FER1L6: variants seen among roughly 807,000 people sequenced by gnomAD.
FER1L6 encodes the protein fer-1 like family member 6.
In FER1L6, 177 loss-of-function variants were observed where a neutral mutation model predicts 219.2. That is an observed-to-expected ratio of 0.81 (90% CI 0.71 to 0.91). FER1L6 has a LOEUF of 0.91. FER1L6 is among the 40% of genes least tolerant of loss of function. The pLI is 0.00. For synonymous variants in FER1L6, 768 were observed against 824.3 expected (o/e 0.93, Z 1.17); for missense variants, 2,153 against 2,259.9 (o/e 0.95, Z 0.96).
At chr8:124,049,539 C>T in intron 21 of FER1L6, 68 bp from the exon 22 acceptor site, 1 of 1,527,282 alleles carries the variant, frequency 6.5e-7, no homozygotes, top group African/African-American at 1.4e-5. Flanking sequence ...GAGGTGATGG[C>T]ATTGATGTGG....
At chr8:123,992,295 T>C (rs1413824564) in intron 12 of FER1L6, among the ~76,000 whole-genome samples, 2 of 152,144 alleles carry the variant, frequency 1.3e-5, no homozygotes, top group African/African-American at 2.4e-5. Flanking sequence ...TTTATGAATG[T>C]CTGGTAGAAT....
At chr8:124,035,213 C>T (rs761695838) in intron 18 of FER1L6, 64 bp from the exon 19 acceptor site, 200 of 1,527,594 alleles carry the variant, frequency 1.3e-4, no homozygotes, top group Non-Finnish European at 1.7e-4. Context: ...CCTCTTTTCT[C>T]AAAAGGGGAG....
At chr8:123,981,415 T>A (rs980579497) in intron 11 of FER1L6, among the ~76,000 whole-genome samples, 2 of 152,218 alleles carry the variant, frequency 1.3e-5, no homozygotes, top group African/African-American at 4.8e-5. Context: ...CTGTTTAGTT[T>A]ATCAATGGTA....
chr8:123,859,837 A>G (rs939587262), intron 1 of FER1L6, among the ~76,000 whole-genome samples: 4 of 145,978 alleles, frequency 2.7e-5, no homozygotes, highest in African/African-American at 1.0e-4. Context: ...TTTACTGAGA[A>G]TGATGATTTC....
chr8:123,893,868 A>G (rs1325109303), intron 1 of FER1L6, among the ~76,000 whole-genome samples: 2 of 152,188 alleles, frequency 1.3e-5, no homozygotes, highest in Admixed American at 1.3e-4. Flanking sequence ...GGGACTAGAC[A>G]GAGAAAGATT....
chr8:124,057,484 A>G (rs1340042347), intron 22 of FER1L6, among the ~76,000 whole-genome samples: 1 of 152,168 alleles, frequency 6.6e-6, no homozygotes, highest in Non-Finnish European at 1.5e-5. Context: ...AGAGCTTTTA[A>G]AACCCTGGCT....
At position 123,954,076 on chromosome 8, in the gene FER1L6, A is replaced by G. The variant is rs144729880; in HGVS notation, c.-7-1916A>G. Among the ~76,000 whole-genome samples, 646 of 152,272 alleles carry G rather than the reference A, an allele frequency of 4.2e-3. 6 individuals carry two copies. Among genetic ancestry groups the G allele is most frequent in the African/African-American group, 0.015 (606 of 41,558 alleles). On this transcript the variant is annotated intron_variant, in intron 1 of 40. Transcript: ENST00000522917. ...GATGCTGTCTTAGATGATTTGCTAC[A>G]TTACCTCATTTTATTCTAACAATCC...
intron 39 of FER1L6, among the ~76,000 whole-genome samples, chr8:124,113,836 C>T (rs1823118590): frequency 6.6e-6 from 1 of 152,188 alleles, no homozygotes; most frequent in Non-Finnish European, 1.5e-5. Context: ...ATACTGTTTA[C>T]TCCATAGCGG....
chr8:124,003,137 ACCCCTTT>A lies in FER1L6; in HGVS notation c.1520-23_1520-17del, dbSNP rs778792325. On this transcript the variant is annotated intron_variant, in intron 12 of 40. Coordinates refer to ENST00000522917, the MANE Select transcript of FER1L6 (RefSeq NM_001039112.2). Reference sequence around the variant, plus strand: ...GACTGATTCTGATTACCACCACCTGACCCCTTTCCCCTTGCTACTGCCTCTGCAGGTA... The same window carrying A: ...GACTGATTCTGATTACCACCACCTGACCCCTTGCTACTGCCTCTGCAGGTA... 1.6e-5 allele frequency: 26 copies of A among 1,599,504 alleles called. 1 individual carries two copies. The highest frequency in any genetic ancestry group is 1.2e-4 in the Admixed American group (7 of 59,638).
chr8:124,063,805 G>A (rs949083989), intron 25 of FER1L6, among the ~76,000 whole-genome samples: 57 of 152,180 alleles, frequency 3.7e-4, no homozygotes, highest in African/African-American at 1.1e-3. Flanking sequence ...AGCATAAAAC[G>A]GAGAGATGAG....
At chr8:123,861,314 G>T (rs1384468702) in intron 1 of FER1L6, among the ~76,000 whole-genome samples, 25 of 139,308 alleles carry the variant, frequency 1.8e-4, no homozygotes, top group African/African-American at 6.8e-4. Context: ...TTATTTCTGA[G>T]GGCTCTGTTC....
chr8:123,960,611 A>G (rs150952019), intron 2 of FER1L6, among the ~76,000 whole-genome samples: 19 of 152,120 alleles, frequency 1.2e-4, no homozygotes, highest in African/African-American at 3.4e-4. Flanking sequence ...GGAAATCAGT[A>G]TCACTGGGCC....
chr8:124,013,281 C>T (rs1048284209), intron 14 of FER1L6, 150 bp from the exon 15 acceptor site: 1 of 457,750 alleles, frequency 2.2e-6, no homozygotes, highest in Non-Finnish European at 3.9e-6. Context: ...TAGCATTTTC[C>T]AATTCAAGTA....
chr8:123,994,524 C>T (rs1053985107), intron 12 of FER1L6, among the ~76,000 whole-genome samples: 6 of 152,202 alleles, frequency 3.9e-5, no homozygotes, highest in African/African-American at 1.2e-4. Context: ...CGGTATTCCA[C>T]CAGCAGCAGC....
chr8:123,969,141 C>G (rs1289119186), intron 5 of FER1L6, among the ~76,000 whole-genome samples: 5 of 152,102 alleles, frequency 3.3e-5, no homozygotes, highest in African/African-American at 1.2e-4. Flanking sequence ...GGTCCCAGAC[C>G]CAACAATAAC....
At chr8:123,968,622 T>G (rs1009016949) in intron 5 of FER1L6, among the ~76,000 whole-genome samples, 1 of 152,174 alleles carries the variant, frequency 6.6e-6, no homozygotes, top group African/African-American at 2.4e-5. Context: ...CACATAAATT[T>G]TGAACACCAG....
chr8:123,991,603 G>C (rs1300372820), intron 12 of FER1L6, among the ~76,000 whole-genome samples: 1 of 152,092 alleles, frequency 6.6e-6, no homozygotes, highest in Non-Finnish European at 1.5e-5. Flanking sequence ...GGAGTCTTTA[G>C]GGTTTTCTAG....
intron 33 of FER1L6, among the ~76,000 whole-genome samples, chr8:124,089,520 C>T (rs1401362639): frequency 6.6e-6 from 1 of 152,156 alleles, no homozygotes; most frequent in Non-Finnish European, 1.5e-5. Flanking sequence ...TTTGGTGTTC[C>T]TCTGTCTCCC....
At chr8:124,060,088 C>T in intron 22 of FER1L6, 92 bp from the exon 23 acceptor site, 1 of 889,488 alleles carries the variant, frequency 1.1e-6, no homozygotes, top group East Asian at 2.4e-5. Flanking sequence ...GTTGGCAAAA[C>T]AGTGAACATC....
Sources: gnomAD v4.1 joint callset for allele counts (sites outside exome capture counted in the v4.1 genomes callset) on GRCh38, gnomAD v4.1.1 for gene constraint, MANE v1.5 for transcripts, NCBI Gene and HGNC (gene_info 2026-07-23, HGNC 2026-07-21) for gene names.